CSMD2: variants seen among roughly 807,000 people sequenced by gnomAD.
CSMD2 encodes the protein CUB and Sushi multiple domains 2, also known as CUB and sushi domain-containing protein 2.
Under a neutral mutation model 398.5 loss-of-function variants are expected in CSMD2, and 130 were observed. The ratio of observed to expected loss-of-function variants is 0.33; its 90% CI spans 0.28 to 0.38. The LOEUF is 0.38. Among genes scored for constraint, CSMD2 ranks in the 10% least tolerant of loss-of-function variants. The pLI is 1.00. For missense variants in CSMD2, 3,829 were observed against 4,764.9 expected, an observed-to-expected ratio of 0.80 and a Z score of 5.78; for synonymous variants, 1,828 against 1,908.5, an observed-to-expected ratio of 0.96 and a Z score of 1.10.
chr1:33,684,721 C>T (rs1645010918), intron 25 of CSMD2, among the ~76,000 whole-genome samples: 1 of 152,184 alleles, frequency 6.6e-6, no homozygotes, highest in Non-Finnish European at 1.5e-5. Context: ...CCTGGGAGGG[C>T]CTCACCTCCA....
chr1:34,009,106 C>T (rs1027357103), intron 3 of CSMD2, among the ~76,000 whole-genome samples: 3 of 152,126 alleles, frequency 2.0e-5, no homozygotes, highest in African/African-American at 7.2e-5. Context: ...GGGGCTCTTC[C>T]TCCTTCTCAG....
chr1:34,133,573 G>A (rs1638378105), intron 1 of CSMD2, among the ~76,000 whole-genome samples: 1 of 151,984 alleles, frequency 6.6e-6, no homozygotes, highest in Non-Finnish European at 1.5e-5. Context: ...GGAGGTTGCA[G>A]TGAGCCAATA....
chr1:33,775,003 G>A (rs898472854), intron 12 of CSMD2, among the ~76,000 whole-genome samples: 2 of 152,206 alleles, frequency 1.3e-5, no homozygotes, highest in Non-Finnish European at 2.9e-5. Context: ...TGATACAGGG[G>A]ATTCGTGCTG....
chr1:34,124,163 T>G (rs1662500272), intron 1 of CSMD2, among the ~76,000 whole-genome samples: 1 of 152,222 alleles, frequency 6.6e-6, no homozygotes, highest in African/African-American at 2.4e-5. Context: ...CTTTAGAAGA[T>G]GGCACCATTT....
chr1:34,022,395 C>T lies in CSMD2; in HGVS notation c.517+10199G>A, dbSNP rs562857709. On this transcript the variant is annotated intron_variant, in intron 3 of 70. Transcript: ENST00000373381. ...AGTCACATGCTGGCTACTATCTGGACGAGTTGGGAGTCAAGTCTTCCTTTA... is the reference window on the plus strand; with the variant it reads ...AGTCACATGCTGGCTACTATCTGGATGAGTTGGGAGTCAAGTCTTCCTTTA... 3.9e-5 allele frequency among the ~76,000 whole-genome samples: 6 copies of T among 152,268 alleles called. No homozygotes were observed. In the South Asian group the frequency reaches 1.0e-3, roughly 26 times the overall value.
intron 4 of CSMD2, among the ~76,000 whole-genome samples, chr1:33,928,172 C>A (rs1224296465): frequency 6.6e-6 from 1 of 152,206 alleles, no homozygotes; most frequent in Non-Finnish European, 1.5e-5. Context: ...GGGTGGTGGT[C>A]AAGATCATGG....
intron 22 of CSMD2, 117 bp from the exon 23 acceptor site, chr1:33,700,790 GCA>G: frequency 1.0e-6 from 1 of 956,578 alleles, no homozygotes; most frequent in Non-Finnish European, 1.6e-6. Flanking sequence ...ACTATCAGAG[GCA>G]CAGTGAGTTA....
intron 14 of CSMD2, among the ~76,000 whole-genome samples, chr1:33,740,177 T>C (rs778148818): frequency 1.3e-5 from 2 of 152,166 alleles, no homozygotes; most frequent in South Asian, 2.1e-4. Flanking sequence ...TTCCCTTCCT[T>C]CTTCCCTCCT....
intron 21 of CSMD2, among the ~76,000 whole-genome samples, chr1:33,711,767 A>G (rs1290408468): frequency 6.6e-6 from 1 of 152,090 alleles, no homozygotes; most frequent in Non-Finnish European, 1.5e-5. Context: ...CATAAGAGCT[A>G]TGTGCCCCAC....
chr1:33,925,609 C>T (rs1644100200), intron 4 of CSMD2, among the ~76,000 whole-genome samples: 2 of 152,124 alleles, frequency 1.3e-5, no homozygotes, highest in South Asian at 4.2e-4. Flanking sequence ...ATACAGATTA[C>T]ATTGAATCTG....
chr1:33,681,890 C>T (rs1191071477), intron 25 of CSMD2, among the ~76,000 whole-genome samples: 2 of 152,126 alleles, frequency 1.3e-5, no homozygotes, highest in African/African-American at 4.8e-5. Context: ...CACTTGAACC[C>T]GGGAGGTGGA....
chr1:34,004,414 C>A (rs1646995487), intron 3 of CSMD2, among the ~76,000 whole-genome samples: 1 of 152,168 alleles, frequency 6.6e-6, no homozygotes, highest in Non-Finnish European at 1.5e-5. Context: ...ATCTAGCCAG[C>A]TTGCTAGAGC....
intron 5 of CSMD2, chr1:33,862,349 GTGTGTGTGT>G (rs1295273873): frequency 9.4e-6 from 1 of 106,006 alleles, no homozygotes; most frequent in African/African-American, 8.2e-5. Flanking sequence ...TACTCTGTGT[GTGTGTGTGT>G]GTGTGTGTGT....
intron 3 of CSMD2, among the ~76,000 whole-genome samples, chr1:33,952,073 G>A (rs1328036231): frequency 2.0e-5 from 3 of 152,230 alleles, no homozygotes; most frequent in Non-Finnish European, 1.5e-5. Flanking sequence ...ATGGTGGGGA[G>A]GCCACAGGAG....
At chr1:33,810,601 G>T (rs544010249) in intron 10 of CSMD2, 142 bp downstream of exon 10, 9 of 728,484 alleles carry the variant, frequency 1.2e-5, no homozygotes, top group South Asian at 6.5e-5. Context: ...TTATCCACTC[G>T]ATATTAATAA....
At chr1:33,756,422 T>C (rs1423581278) in intron 13 of CSMD2, among the ~76,000 whole-genome samples, 2 of 151,300 alleles carry the variant, frequency 1.3e-5, no homozygotes, top group Non-Finnish European at 2.9e-5. Context: ...TTCTAAGAGG[T>C]GACGAAAAAA....
At chr1:33,689,965 C>A (rs1557735212) in intron 25 of CSMD2, among the ~76,000 whole-genome samples, 1 of 152,100 alleles carries the variant, frequency 6.6e-6, no homozygotes, top group East Asian at 1.9e-4. Flanking sequence ...ACTTGAATGT[C>A]CCCTGAATTT....
At chr1:33,813,026 C>G (rs1657034081) in intron 9 of CSMD2, 1 of 152,196 alleles carries the variant, frequency 6.6e-6, no homozygotes, top group Non-Finnish European at 1.5e-5. Context: ...ACTCAGAACT[C>G]TAGCCCTGCA....
At chr1:33,667,486 AT>A (rs1287149326) in intron 25 of CSMD2, among the ~76,000 whole-genome samples, 1 of 152,172 alleles carries the variant, frequency 6.6e-6, no homozygotes, top group East Asian at 1.9e-4. Context: ...TGGAATTGCT[AT>A]TATTTAATAC....
Sources: gnomAD v4.1 joint callset for allele counts (sites outside exome capture counted in the v4.1 genomes callset) on GRCh38, gnomAD v4.1.1 for gene constraint, MANE v1.5 for transcripts, NCBI Gene and HGNC (gene_info 2026-07-23, HGNC 2026-07-21) for gene names.